FRMPD2: variants seen among roughly 807,000 people sequenced by gnomAD.
FRMPD2 encodes FERM and PDZ domain containing 2.
Under a neutral mutation model 140.1 loss-of-function variants are expected in FRMPD2, and 96 were observed. The observed-to-expected ratio is 0.69, with a 90% CI of 0.58 to 0.81. The LOEUF (loss-of-function observed/expected upper bound fraction) is 0.81, where lower values mean the gene tolerates loss of function less well. FRMPD2 is among the 40% of genes least tolerant of loss of function. FRMPD2 has a pLI of 0.00. For synonymous variants in FRMPD2, 449 were observed against 547.6 expected (o/e 0.82, Z 2.52); for missense variants, 1,240 against 1,447.4 (o/e 0.86, Z 2.32).
chr10:48,224,191 G>A (rs190788775), intron 10 of FRMPD2, among the ~76,000 whole-genome samples: 44 of 152,234 alleles, frequency 2.9e-4, no homozygotes, highest in Non-Finnish European at 5.0e-4. Context: ...AGCCACTGAA[G>A]GCCCCTCCCC....
chr10:48,258,555 A>T (rs1455774215), intron 1 of FRMPD2, among the ~76,000 whole-genome samples: 1 of 152,230 alleles, frequency 6.6e-6, no homozygotes, highest in African/African-American at 2.4e-5. Flanking sequence ...AAACAGAACA[A>T]GCTAATGCAA....
intron 28 of FRMPD2, among the ~76,000 whole-genome samples, chr10:48,162,042 G>A (rs1413014506): frequency 6.6e-6 from 1 of 150,668 alleles, no homozygotes; most frequent in African/African-American, 2.5e-5. Flanking sequence ...CTACAGGAAA[G>A]TACCATTCCT....
intron 16 of FRMPD2, among the ~76,000 whole-genome samples, chr10:48,188,258 CT>C (rs1838739319): frequency 6.6e-6 from 1 of 152,180 alleles, no homozygotes; most frequent in Non-Finnish European, 1.5e-5. Context: ...CCCCTGTACC[CT>C]TGGAGCTGTG....
intron 13 of FRMPD2, among the ~76,000 whole-genome samples, chr10:48,208,512 T>C (rs1024858351): frequency 2.9e-4 from 44 of 152,350 alleles, no homozygotes; most frequent in African/African-American, 1.0e-3. Flanking sequence ...TCCAAGTTCC[T>C]GCTTTGGAGC....
At chr10:48,189,483 C>A (rs1838777802) in intron 16 of FRMPD2, among the ~76,000 whole-genome samples, 1 of 152,224 alleles carries the variant, frequency 6.6e-6, no homozygotes, top group African/African-American at 2.4e-5. Context: ...GTCCTGCCTC[C>A]ACATGTCAGC....
intron 1 of FRMPD2, among the ~76,000 whole-genome samples, chr10:48,269,458 G>A (rs1275037213): frequency 1.3e-5 from 2 of 152,176 alleles, no homozygotes; most frequent in Admixed American, 6.5e-5. Context: ...GGTGGCCAGC[G>A]TCACTGAAAT....
intron 17 of FRMPD2, among the ~76,000 whole-genome samples, chr10:48,186,527 C>T (rs1261091897): frequency 3.3e-5 from 5 of 152,136 alleles, no homozygotes; most frequent in East Asian, 1.9e-4. Context: ...TGGGTTTATC[C>T]GGGGTTTCCG....
At chr10:48,232,555 G>A (rs956789761) in intron 9 of FRMPD2, among the ~76,000 whole-genome samples, 1 of 152,196 alleles carries the variant, frequency 6.6e-6, no homozygotes, top group African/African-American at 2.4e-5. Flanking sequence ...GGCCAGGAAA[G>A]CTGGGAGGCC....
chr10:48,159,500 A>C (rs538854863), intron 28 of FRMPD2, among the ~76,000 whole-genome samples: 1 of 151,728 alleles, frequency 6.6e-6, no homozygotes, highest in African/African-American at 2.4e-5. Flanking sequence ...CAGGCATGAC[A>C]TCTCCCTCAC....
intron 1 of FRMPD2, among the ~76,000 whole-genome samples, chr10:48,263,501 C>T (rs1342356294): frequency 6.6e-6 from 1 of 152,034 alleles, no homozygotes; most frequent in African/African-American, 2.4e-5. Context: ...CTACTGATCC[C>T]ATGGATATTA....
At chr10:48,247,683 C>G (rs1200480088) in intron 3 of FRMPD2, among the ~76,000 whole-genome samples, 2 of 152,226 alleles carry the variant, frequency 1.3e-5, no homozygotes, top group Non-Finnish European at 2.9e-5. Flanking sequence ...AGGTAACTCC[C>G]CTGCATTCTC....
intron 9 of FRMPD2, among the ~76,000 whole-genome samples, chr10:48,234,783 C>G (rs546085100): frequency 6.9e-4 from 105 of 152,234 alleles, no homozygotes; most frequent in Non-Finnish European, 1.3e-3. Context: ...GGTCCTAGAC[C>G]TGGTGTGTAG....
chr10:48,245,455 G>A (rs1352411872), intron 3 of FRMPD2, among the ~76,000 whole-genome samples: 1 of 152,244 alleles, frequency 6.6e-6, no homozygotes, highest in African/African-American at 2.4e-5. Flanking sequence ...GCAAAATGAT[G>A]TCATGGGAAG....
At chr10:48,249,946 C>T (rs780644059) in intron 2 of FRMPD2, among the ~76,000 whole-genome samples, 4 of 152,112 alleles carry the variant, frequency 2.6e-5, no homozygotes, top group Admixed American at 6.5e-5. Context: ...CCTTATCTCT[C>T]CCACAGTTTC....
intron 1 of FRMPD2, 26 bp downstream of exon 1, chr10:48,274,517 G>C: frequency 1.9e-6 from 3 of 1,612,300 alleles, no homozygotes; most frequent in Non-Finnish European, 2.5e-6. Context: ...ATTTATAGGA[G>C]AAAACTGAAT....
At chr10:48,251,416 C>G in intron 2 of FRMPD2, 150 bp downstream of exon 2, 1 of 934,278 alleles carries the variant, frequency 1.1e-6, no homozygotes, top group Admixed American at 2.4e-5. Context: ...CATTCTAATA[C>G]CTCAGAGTAA....
intron 15 of FRMPD2, chr10:48,199,925 CT>C (rs1839042858): frequency 1.3e-5 from 2 of 152,106 alleles, no homozygotes; most frequent in Non-Finnish European, 1.5e-5. Flanking sequence ...AATTTTACAG[CT>C]TTCTCTTTCC....
At chr10:48,186,531 G>A (rs1028676357) in intron 17 of FRMPD2, among the ~76,000 whole-genome samples, 9 of 152,092 alleles carry the variant, frequency 5.9e-5, no homozygotes, top group African/African-American at 1.9e-4. Context: ...TTTATCCGGG[G>A]TTTCCGCTTT....
chr10:48,161,193 G>A lies in FRMPD2; in HGVS notation c.3881+2135C>T, dbSNP rs1200533949. Among the ~76,000 whole-genome samples the A allele has an allele frequency of 9.5e-4, 143 of 150,150 alleles. 1 individual carries two copies. The Middle Eastern group carries it at 0.031, about 32-fold the overall frequency. On this transcript the variant is annotated intron_variant, in intron 28 of 28. Coordinates refer to ENST00000374201, the MANE Select transcript of FRMPD2 (RefSeq NM_001018071.4). ...GCAGTGAGTATGATGGTTGATGGGC[G>A]TTCACAACAGACTGAAGATAGGAGA...
Sources: gnomAD v4.1 joint callset for allele counts (sites outside exome capture counted in the v4.1 genomes callset) on GRCh38, gnomAD v4.1.1 for gene constraint, MANE v1.5 for transcripts, NCBI Gene and HGNC (gene_info 2026-07-23, HGNC 2026-07-21) for gene names.